Variants in DPP6 observed in about 807,000 individuals in gnomAD.
DPP6 encodes dipeptidyl peptidase like 6, also known as A-type potassium channel modulatory protein DPP6.
A neutral mutation model predicts 122.6 loss-of-function variants in DPP6; 69 were observed. The ratio of observed to expected loss-of-function variants is 0.56; its 90% confidence interval spans 0.46 to 0.69. DPP6 has a LOEUF of 0.69. DPP6 is among the 30% of genes least tolerant of loss of function. The pLI, the probability that DPP6 is intolerant of heterozygous loss-of-function variation, is 0.00. For missense variants in DPP6, 928 were observed against 1,116.9 expected (o/e 0.83, Z 2.41); for synonymous variants, 418 against 433.1 (o/e 0.97, Z 0.43).
intron 16 of DPP6, among the ~76,000 whole-genome samples, chr7:154,827,085 T>C (rs548712387): frequency 1.1e-4 from 16 of 151,682 alleles, no homozygotes; most frequent in African/African-American, 3.4e-4. Flanking sequence ...TGACAAGAAG[T>C]GTCTGAAGTT....
intron 1 of DPP6, chr7:154,057,499 G>C (rs552257310): frequency 2.0e-5 from 3 of 147,454 alleles, no homozygotes; most frequent in Admixed American, 2.0e-4. Flanking sequence ...GGTACCTTGC[G>C]TGGGATTTAC....
At chr7:154,479,396 A>G (rs556589736) in intron 3 of DPP6, among the ~76,000 whole-genome samples, 79 of 152,086 alleles carry the variant, frequency 5.2e-4, no homozygotes, top group Middle Eastern at 6.8e-3. Flanking sequence ...TGTCTCTACT[A>G]AAAATACAAA....
At chr7:153,930,336 T>C (rs571372022) in intron 1 of DPP6, among the ~76,000 whole-genome samples, 1 of 152,202 alleles carries the variant, frequency 6.6e-6, no homozygotes, top group Non-Finnish European at 1.5e-5. Flanking sequence ...TCTCTCAGTG[T>C]GTAGTCAGGG....
intron 5 of DPP6, among the ~76,000 whole-genome samples, chr7:154,576,635 G>A (rs1831692208): frequency 6.6e-6 from 1 of 152,146 alleles, no homozygotes; most frequent in Non-Finnish European, 1.5e-5. Context: ...CCAGTTTGAG[G>A]GAGTGTGATC....
At chr7:154,751,970 T>G (rs1347041548) in intron 8 of DPP6, among the ~76,000 whole-genome samples, 1 of 152,144 alleles carries the variant, frequency 6.6e-6, no homozygotes, top group Admixed American at 6.5e-5. Context: ...TTCTTGGGTC[T>G]TGTGCAGGAA....
At chr7:153,860,709 G>T in the DPP6 span, among the ~76,000 whole-genome samples, 1 of 151,320 alleles carries the variant, frequency 6.6e-6, no homozygotes, top group African/African-American at 2.4e-5. Flanking sequence ...GTGTGAGTGT[G>T]CTTCCTGCCT....
chr7:153,811,452 G>C, the DPP6 span, among the ~76,000 whole-genome samples: 6 of 152,142 alleles, frequency 3.9e-5, no homozygotes, highest in Admixed American at 6.6e-5. Context: ...TGAGCAGAGA[G>C]GGGAGGGCAG....
At chr7:154,023,701 C>G (rs570172370) in intron 1 of DPP6, among the ~76,000 whole-genome samples, 1 of 151,984 alleles carries the variant, frequency 6.6e-6, no homozygotes. Flanking sequence ...AGGCTGGTCT[C>G]GAACTCCTGA....
At chr7:153,887,829 C>G in intron 1 of DPP6, 1 of 1,382,046 alleles carries the variant, frequency 7.2e-7, no homozygotes, top group Non-Finnish European at 9.7e-7. Flanking sequence ...CCGAACCTCC[C>G]TGGAAGGACA....
chr7:154,875,255 C>T lies in DPP6; in HGVS notation c.1884-651C>T, dbSNP rs1197599848. Among the ~76,000 whole-genome samples, 1 of 152,180 alleles carries T rather than the reference C, an allele frequency of 6.6e-6. No homozygotes were observed. The highest frequency in any genetic ancestry group is 2.4e-5 in the African/African-American group (1 of 41,448). On this transcript the variant is annotated intron_variant, in intron 19 of 25. Coordinates refer to ENST00000377770, the MANE Select transcript of DPP6 (RefSeq NM_130797.4). This position sits in a 1 kb window ranked among gnomAD's most constrained non-coding sequence, Gnocchi z 4.5. ...GTCGAATCCCATGGTCCAAATGCCC[C>T]ACCATGGATGCCTTTCAGCCAGCAG...
intron 1 of DPP6, among the ~76,000 whole-genome samples, chr7:154,187,605 T>G (rs1322655336): frequency 6.6e-6 from 1 of 152,090 alleles, no homozygotes; most frequent in Non-Finnish European, 1.5e-5. Context: ...ACAACCCAAG[T>G]TTGAATATTT....
intron 12 of DPP6, 72 bp downstream of exon 12, chr7:154,795,955 C>G: frequency 6.5e-7 from 1 of 1,548,204 alleles, no homozygotes; most frequent in Non-Finnish European, 8.7e-7. Context: ...CTCAGAGCTT[C>G]GACAACAGCA....
intron 21 of DPP6, among the ~76,000 whole-genome samples, chr7:154,883,306 A>G (rs1805589516): frequency 6.9e-6 from 1 of 145,874 alleles, no homozygotes; most frequent in African/African-American, 2.6e-5. Context: ...ATGCTCACCC[A>G]TACACCTGCT....
chr7:154,323,880 T>C (rs181339283), intron 1 of DPP6, among the ~76,000 whole-genome samples: 22 of 152,360 alleles, frequency 1.4e-4, no homozygotes, highest in Admixed American at 1.0e-3. Flanking sequence ...GATTTCATTC[T>C]AGCCAACATC....
chr7:154,288,551 C>T (rs1462325451), intron 1 of DPP6, among the ~76,000 whole-genome samples: 2 of 152,174 alleles, frequency 1.3e-5, no homozygotes, highest in African/African-American at 4.8e-5. Context: ...GCCTTACCCA[C>T]TTCTTAAGGC....
intron 1 of DPP6, among the ~76,000 whole-genome samples, chr7:153,936,683 C>T (rs948109965): frequency 1.3e-5 from 2 of 151,734 alleles, no homozygotes; most frequent in Admixed American, 6.6e-5. Flanking sequence ...GGGTGGTGGG[C>T]GCCTGTGGTC....
chr7:154,847,382 C>T (rs926017677), intron 16 of DPP6, among the ~76,000 whole-genome samples: 2 of 152,206 alleles, frequency 1.3e-5, no homozygotes, highest in African/African-American at 4.8e-5. Context: ...ATGATGGTCA[C>T]TTCTGGGACG....
Position 154,519,525 on chromosome 7 carries a change from C to T in DPP6, c.458-21007C>T, listed in dbSNP as rs528809665. ...CACTCACAGACATAAATGGGCAAGT[C>T]GGAAGGAGTAGATGATTCCCTCTAA... is the stretch of plus-strand genomic sequence containing the variant. On this transcript the variant is annotated intron_variant, in intron 3 of 25. Transcript: ENST00000377770. Among the ~76,000 whole-genome samples the T allele has an allele frequency of 3.3e-5, 5 of 152,310 alleles. No homozygotes were observed. In the South Asian group the frequency reaches 8.3e-4, roughly 25 times the overall value.
intron 3 of DPP6, among the ~76,000 whole-genome samples, chr7:154,500,907 T>C (rs1232351856): frequency 6.6e-6 from 1 of 152,218 alleles, no homozygotes; most frequent in Non-Finnish European, 1.5e-5. Context: ...TGGAACTTCC[T>C]AGAGACTTGT....
Sources: gnomAD v4.1 joint callset for allele counts (sites outside exome capture counted in the v4.1 genomes callset) on GRCh38, gnomAD v4.1.1 for gene constraint, Gnocchi (gnomAD v3.1) non-coding constraint, MANE v1.5 for transcripts, NCBI Gene and HGNC (gene_info 2026-07-23, HGNC 2026-07-21) for gene names.